The following MYO18B variants were observed in gnomAD, a reference collection of about 807,000 sequenced individuals.
MYO18B encodes the protein unconventional myosin-XVIIIb.
In MYO18B, 204 loss-of-function variants were observed where a neutral mutation model predicts 273.0. The observed-to-expected ratio is 0.75, with a 90% CI of 0.67 to 0.84. The LOEUF (loss-of-function observed/expected upper bound fraction) is 0.84, where lower values mean the gene tolerates loss of function less well. MYO18B is among the 40% of genes least tolerant of loss of function. The probability of loss-of-function intolerance (pLI) is 0.00; values close to 1 mark genes in which losing one functional copy is unlikely to be tolerated. For synonymous variants in MYO18B, 1,330 were observed against 1,305.7 expected, an observed-to-expected ratio of 1.02 and a Z score of -0.40; for missense variants, 3,212 against 3,287.6, an observed-to-expected ratio of 0.98 and a Z score of 0.56.
chr22:25,826,279 T>C, intron 13 of MYO18B, 130 bp from the exon 14 acceptor site: 1 of 628,622 alleles, frequency 1.6e-6, no homozygotes, highest in Non-Finnish European at 2.7e-6. Flanking sequence ...GGAAATAATT[T>C]TAGCAGTGGA....
chr22:25,903,209 A>G (rs781192284), intron 30 of MYO18B: 2 of 200,848 alleles, frequency 1.0e-5, no homozygotes, highest in Non-Finnish European at 2.0e-5. Context: ...GCCCAAAGTT[A>G]TTTGATCCTG....
At chr22:25,823,815 G>A in intron 13 of MYO18B, 137 bp downstream of exon 13, 1 of 920,032 alleles carries the variant, frequency 1.1e-6, no homozygotes, top group Non-Finnish European at 1.7e-6. Flanking sequence ...AGATGCAGGG[G>A]AAGCCATCGT....
At chr22:26,043,656 G>A in the MYO18B span, among the ~76,000 whole-genome samples, 5 of 151,648 alleles carry the variant, frequency 3.3e-5, no homozygotes, top group South Asian at 2.1e-4. Context: ...GATTACAGGC[G>A]TGCGCCACCA....
intron 15 of MYO18B, among the ~76,000 whole-genome samples, chr22:25,831,064 G>A (rs1210496550): frequency 6.6e-6 from 1 of 152,160 alleles, no homozygotes; most frequent in African/African-American, 2.4e-5. Flanking sequence ...TCTATCCAGA[G>A]GCAACCATTG....
intron 39 of MYO18B, among the ~76,000 whole-genome samples, chr22:25,988,722 AATTAAAGG>A (rs2093228767): frequency 6.6e-6 from 1 of 152,168 alleles, no homozygotes; most frequent in African/African-American, 2.4e-5. Context: ...CTCCTATGAG[AATTAAAGG>A]ATAGCTATGC....
chr22:25,889,927 C>T (rs1015512283), intron 25 of MYO18B, among the ~76,000 whole-genome samples: 35 of 152,246 alleles, frequency 2.3e-4, no homozygotes, highest in African/African-American at 8.2e-4. Flanking sequence ...AATATACAAC[C>T]GTATGATTTC....
intron 40 of MYO18B, among the ~76,000 whole-genome samples, chr22:25,996,549 T>G (rs933497561): frequency 1.3e-5 from 2 of 152,000 alleles, no homozygotes; most frequent in Non-Finnish European, 2.9e-5. Flanking sequence ...AAACCTGCAT[T>G]CTGATGGTGG....
intron 12 of MYO18B, among the ~76,000 whole-genome samples, chr22:25,804,517 GA>G (rs2088374904): frequency 6.6e-6 from 1 of 152,218 alleles, no homozygotes; most frequent in African/African-American, 2.4e-5. Context: ...AAAGCTGCTT[GA>G]ACCTAAGGCT....
chr22:25,824,650 T>G (rs975084321), intron 13 of MYO18B, among the ~76,000 whole-genome samples: 1 of 152,090 alleles, frequency 6.6e-6, no homozygotes, highest in African/African-American at 2.4e-5. Context: ...TTGGAGCTGC[T>G]TCCACCTTCC....
intron 40 of MYO18B, among the ~76,000 whole-genome samples, chr22:25,998,006 T>G (rs548362521): frequency 1.7e-5 from 2 of 121,002 alleles, no homozygotes; most frequent in Admixed American, 1.5e-4. Flanking sequence ...AGAGAGATGC[T>G]TCAGCTGCAG....
At chr22:26,057,392 T>C in the MYO18B span, among the ~76,000 whole-genome samples, 2 of 152,188 alleles carry the variant, frequency 1.3e-5, no homozygotes, top group Non-Finnish European at 2.9e-5. Flanking sequence ...TTTACAATGC[T>C]TATCTTACTT....
chr22:25,982,601 T>G (rs1026051683), intron 39 of MYO18B, among the ~76,000 whole-genome samples: 1 of 152,204 alleles, frequency 6.6e-6, no homozygotes, highest in Non-Finnish European at 1.5e-5. Context: ...TAGCTTCTAG[T>G]GTCTGCCAGC....
intron 12 of MYO18B, among the ~76,000 whole-genome samples, chr22:25,814,463 C>T (rs1285569156): frequency 6.6e-6 from 1 of 151,768 alleles, no homozygotes; most frequent in African/African-American, 2.4e-5. Context: ...TGGATCCAGA[C>T]ACTATTCTAA....
chr22:25,963,289 C>A (rs542898186), intron 39 of MYO18B, among the ~76,000 whole-genome samples: 62 of 151,672 alleles, frequency 4.1e-4, no homozygotes, highest in South Asian at 1.0e-3. Flanking sequence ...ACCTGGATAT[C>A]TTAAAACAAC....
intron 42 of MYO18B, among the ~76,000 whole-genome samples, chr22:26,024,529 C>G (rs2147004234): frequency 6.6e-6 from 1 of 152,310 alleles, no homozygotes; most frequent in South Asian, 2.1e-4. Flanking sequence ...AAGGAGGTAG[C>G]TCCTCCACAT....
At position 25,891,302 on chromosome 22, in the gene MYO18B, A is replaced by G; in HGVS notation, c.4435-2A>G. 1 of 1,560,488 alleles carries G rather than the reference A, an allele frequency of 6.4e-7. No homozygotes were observed. The highest frequency in any genetic ancestry group is 8.7e-7 in the Non-Finnish European group (1 of 1,150,336). The stretch of plus-strand genomic sequence containing the variant: ...GTTTAGACCTTGAGCCCTTTCTTCT[A>G]GAGCAAGCATGAACAAGTCCAGAAA... On this transcript the variant is annotated splice_acceptor_variant, in intron 26 of 43. Coordinates refer to ENST00000335473, the MANE Select transcript of MYO18B (RefSeq NM_032608.7). LOFTEE classifies it high-confidence loss of function.
chr22:25,750,155 T>G (rs2085891841), intron 1 of MYO18B, among the ~76,000 whole-genome samples: 2 of 152,138 alleles, frequency 1.3e-5, no homozygotes, highest in Admixed American at 6.5e-5. Flanking sequence ...TTTCTGGGCC[T>G]GAACTGTCAG....
chr22:25,982,483 C>G (rs1289507950), intron 39 of MYO18B, among the ~76,000 whole-genome samples: 3 of 152,226 alleles, frequency 2.0e-5, no homozygotes. Context: ...TCTTTTAGAG[C>G]TCTAGAGATC....
Position 25,898,546 on chromosome 22 carries a change from A to G in MYO18B, c.4823+85A>G, listed in dbSNP as rs2066935. ...TTTTCTGGGGTATCCAGGTTCTCCT[A>G]ACTCCCTCACTTCAACTCCCTTGTT... On this transcript the variant is annotated intron_variant, in intron 29 of 43. Coordinates refer to ENST00000335473, the MANE Select transcript of MYO18B (RefSeq NM_032608.7). 206,811 of 1,456,438 alleles carry G rather than the reference A, an allele frequency of 0.14. 17,948 individuals are homozygous for G. Among genetic ancestry groups the G allele is most frequent in the Admixed American group, 0.36 (18,884 of 52,084 alleles). 90.2% of individuals were successfully genotyped at this position (1,456,438 alleles called of 1,614,324 possible).
Sources: gnomAD v4.1 joint callset for allele counts (sites outside exome capture counted in the v4.1 genomes callset) on GRCh38, gnomAD v4.1.1 for gene constraint, MANE v1.5 for transcripts, NCBI Gene and HGNC (gene_info 2026-07-23, HGNC 2026-07-21) for gene names.